Variants in ABCA10 observed in about 807,000 individuals in gnomAD.
ABCA10 encodes the protein ATP binding cassette subfamily A member 10, also known as ATP-binding cassette sub-family A member 10.
A neutral mutation model predicts 187.5 loss-of-function variants in ABCA10; 169 were observed. The ratio of observed to expected loss-of-function variants is 0.90; its 90% CI spans 0.80 to 1.02. The LOEUF (loss-of-function observed/expected upper bound fraction) is 1.02, where lower values mean the gene tolerates loss of function less well. Ranked by LOEUF, ABCA10 falls within the 50% of genes least tolerant of loss-of-function variation. The pLI is 0.00. For synonymous variants in ABCA10, 574 were observed against 601.8 expected (o/e 0.95, Z 0.68); for missense variants, 1,727 against 1,812.4 (o/e 0.95, Z 0.86).
chr17:69,234,914 T>C (rs1355378799), intron 1 of ABCA10: 1 of 152,234 alleles, frequency 6.6e-6, no homozygotes, highest in African/African-American at 2.4e-5. Context: ...AAAATGCCAC[T>C]TGTTTTTTGC....
At position 69,193,579 on chromosome 17, in the gene ABCA10, T is replaced by C. The variant is rs957937239; in HGVS notation, c.1555A>G (p.Ser519Gly). Residue 519 changes from serine to glycine, a missense_variant, in exon 14 of 39, where the codon AGC becomes GGC. Transcript: ENST00000690296. ...TTTTTAGCAATAATGTCTTGAATGCTTTGCATGTCTAATTCCATTATAATT... is the reference window on the plus strand; with the variant it reads ...TTTTTAGCAATAATGTCTTGAATGCCTTGCATGTCTAATTCCATTATAATT... ...KRIIMELDMQ[S>G]IQDIIAKKLS... 2 of 1,611,010 alleles carry C rather than the reference T, an allele frequency of 1.2e-6. No individual in the cohort carries two copies. The highest frequency in any genetic ancestry group is 1.7e-6 in the Non-Finnish European group (2 of 1,177,666).
At chr17:69,151,244 A>T (rs1209144876) in intron 36 of ABCA10, among the ~76,000 whole-genome samples, 2 of 152,162 alleles carry the variant, frequency 1.3e-5, no homozygotes, top group Non-Finnish European at 2.9e-5. Flanking sequence ...GTTTCCTGGA[A>T]ACAGTGTCTG....
chr17:69,168,336 A>C (rs1416509578), intron 25 of ABCA10, among the ~76,000 whole-genome samples: 1 of 152,098 alleles, frequency 6.6e-6, no homozygotes, highest in Non-Finnish European at 1.5e-5. Context: ...ATATATTTTG[A>C]TTTGAACAGG....
chr17:69,149,374 G>T, intron 37 of ABCA10: 1 of 347,750 alleles, frequency 2.9e-6, no homozygotes, highest in Non-Finnish European at 5.2e-6. Context: ...ATCAGTTGTC[G>T]AGAATAATTT....
intron 27 of ABCA10, among the ~76,000 whole-genome samples, chr17:69,163,461 T>A (rs2074233115): frequency 6.6e-6 from 1 of 152,194 alleles, no homozygotes; most frequent in Non-Finnish European, 1.5e-5. Flanking sequence ...ATATGGAACA[T>A]CTCTGCATGT....
chr17:69,232,335 G>C (rs564730552), upstream of ABCA10, among the ~76,000 whole-genome samples: 4 of 151,988 alleles, frequency 2.6e-5, no homozygotes, highest in South Asian at 6.2e-4. Flanking sequence ...CTTCCTTTGT[G>C]TGTAAATGAT....
chr17:69,157,915 G>A (rs536088886), intron 27 of ABCA10, among the ~76,000 whole-genome samples: 1 of 151,764 alleles, frequency 6.6e-6, no homozygotes, highest in Non-Finnish European at 1.5e-5. Context: ...TTAGGGAGGG[G>A]GGGATTTCTT....
intron 9 of ABCA10, among the ~76,000 whole-genome samples, chr17:69,208,211 T>C (rs2074606094): frequency 6.6e-6 from 1 of 151,742 alleles, no homozygotes; most frequent in Non-Finnish European, 1.5e-5. Context: ...AGGTCAGGAC[T>C]TCAAGACCAT....
At chr17:69,217,066 T>G (rs2074711755) in intron 6 of ABCA10, among the ~76,000 whole-genome samples, 1 of 151,904 alleles carries the variant, frequency 6.6e-6, no homozygotes, top group Admixed American at 6.6e-5. Context: ...GCCAACATAG[T>G]AAAACCCCAT....
intron 18 of ABCA10, among the ~76,000 whole-genome samples, chr17:69,189,738 G>GTGGC (rs1160647940): frequency 1.1e-4 from 16 of 152,036 alleles, no homozygotes; most frequent in Non-Finnish European, 2.2e-4. Context: ...TCTTCTGCCT[G>GTGGC]TGGCTAGCCA....
intron 15 of ABCA10, 40 bp downstream of exon 15, chr17:69,193,070 T>C (rs896139241): frequency 3.4e-5 from 53 of 1,554,840 alleles, no homozygotes; most frequent in Non-Finnish European, 4.5e-5. Context: ...TCATGTTAAA[T>C]CCTTAAATAA....
At chr17:69,190,230 T>C in intron 18 of ABCA10, 128 bp downstream of exon 18, 2 of 1,063,462 alleles carry the variant, frequency 1.9e-6, no homozygotes, top group Non-Finnish European at 2.5e-6. Flanking sequence ...TAGTGGACAA[T>C]GCTATTTTCT....
chr17:69,165,142 T>C (rs1005909238), intron 25 of ABCA10, 59 bp from the exon 26 acceptor site: 1 of 1,358,766 alleles, frequency 7.4e-7, no homozygotes, highest in Non-Finnish European at 1.0e-6. Flanking sequence ...TCTTAAGATA[T>C]TTCCTGTGAA....
chr17:69,167,213 C>T (rs988919057), intron 25 of ABCA10, among the ~76,000 whole-genome samples: 4 of 152,164 alleles, frequency 2.6e-5, no homozygotes, highest in East Asian at 1.9e-4. Flanking sequence ...GGCAACAAAG[C>T]GGTCTGCTTG....
At chr17:69,196,695 C>G (rs1237282227) in intron 11 of ABCA10, among the ~76,000 whole-genome samples, 3 of 152,192 alleles carry the variant, frequency 2.0e-5, no homozygotes, top group African/African-American at 7.2e-5. Flanking sequence ...GAGCCAAGAT[C>G]ACGCCACTGC....
chr17:69,210,081 T>TTTATTATTATTATTATTATTA lies in ABCA10; in HGVS notation c.1006+4602_1006+4622dup, dbSNP rs140000472. Among the ~76,000 whole-genome samples the TTTATTATTATTATTATTATTA allele has an allele frequency of 1.5e-3, 222 of 146,888 alleles. 4 individuals carry two copies. The highest frequency in any genetic ancestry group is 8.0e-3 in the East Asian group (40 of 5,030). ...CCATCTGTAGAGCTTATGCTATTAC[T>TTTATTATTATTATTATTATTA]TTATTATTATTATTATTATTATTAT... On this transcript the variant is annotated intron_variant, in intron 9 of 38. Coordinates refer to ENST00000690296, the MANE Select transcript of ABCA10 (RefSeq NM_001377321.1).
In ABCA10 at chr17:69,152,041, A is replaced by G. The variant is rs868764811; in HGVS notation, c.4397+2T>C. 18 of 1,606,798 alleles carry G rather than the reference A, an allele frequency of 1.1e-5. No individual in the cohort carries two copies. The highest frequency in any genetic ancestry group is 1.5e-5 in the Non-Finnish European group (18 of 1,178,304). Reference sequence around the variant, plus strand: ...GTCACTCAAACCGAAAACATCCTTTACCTTTCCTGCCAAGCAGCCTGTGGG... The same window carrying G: ...GTCACTCAAACCGAAAACATCCTTTGCCTTTCCTGCCAAGCAGCCTGTGGG... On this transcript the variant is annotated splice_donor_variant, in intron 36 of 38. Transcript: ENST00000690296. LOFTEE classifies it high-confidence loss of function.
At chr17:69,153,158 T>C in intron 34 of ABCA10, 147 bp downstream of exon 34, 2 of 913,028 alleles carry the variant, frequency 2.2e-6, no homozygotes. Context: ...TTGAATGCTA[T>C]ATTAGGTTTC....
In ABCA10 at chr17:69,193,528, G is replaced by T. The variant is rs1555661178; in HGVS notation, c.1606C>A (p.Leu536Ile). Residue 536 changes from leucine (L) to isoleucine (I), a missense_variant, in exon 14 of 39, where the codon CTA becomes ATA. Coordinates refer to ENST00000690296, the MANE Select transcript of ABCA10 (RefSeq NM_001377321.1). ...KKLSGGQKRK[L>I]TLGIAILGDP... is the part of the protein sequence containing the mutation. ...CCTAAGATGGCAATCCCTAGTGTTA[G>T]TTTTCTCTTCTGCCCACCACTTAAT... The T allele has an allele frequency of 6.2e-7, 1 of 1,613,574 alleles. No homozygotes were observed. The highest frequency in any genetic ancestry group is 8.5e-7 in the Non-Finnish European group (1 of 1,179,740).
Sources: allele counts gnomAD v4.1 joint callset (sites outside exome capture counted in the v4.1 genomes callset), GRCh38; gene constraint gnomAD v4.1.1; transcripts MANE v1.5; gene names NCBI Gene and HGNC (gene_info 2026-07-23, HGNC 2026-07-21).